LGI2: variants seen among roughly 807,000 people sequenced by gnomAD.
LGI2 encodes the protein leucine rich repeat LGI family member 2, also known as leucine-rich repeat LGI family member 2.
LGI2 carries 30 observed loss-of-function variants against 52.0 expected under a neutral mutation model. The observed-to-expected ratio is 0.58, with a 90% CI of 0.43 to 0.78. LGI2 has a LOEUF of 0.78. Ranked by LOEUF, LGI2 falls within the 30% of genes least tolerant of loss-of-function variation. LGI2 has a pLI of 0.00. For missense variants in LGI2, 573 were observed against 692.5 expected (o/e 0.83, Z 1.94); for synonymous variants, 270 against 271.8 (o/e 0.99, Z 0.06).
At chr4:25,010,025 T>G (rs188977811) in intron 7 of LGI2, among the ~76,000 whole-genome samples, 107 of 152,194 alleles carry the variant, frequency 7.0e-4, no homozygotes, top group African/African-American at 2.5e-3. Context: ...TGAGAATGAA[T>G]GAATAAATTT....
chr4:25,028,975 G>C (rs1348235375), intron 1 of LGI2, among the ~76,000 whole-genome samples: 1 of 152,182 alleles, frequency 6.6e-6, no homozygotes, highest in African/African-American at 2.4e-5. Flanking sequence ...GCTGGGGTAG[G>C]ATTAAGCATT....
rs895951935 is a variant in LGI2 at position 25,003,234 on chromosome 4, T to G, written c.*217A>C. ...TTCTCAGAAATTACAGGCTTTAAGA[T>G]TTTTTTTTAAATGGTAGAATGGGCA... On this transcript the variant is annotated 3_prime_UTR_variant, in exon 8 of 8. Transcript: ENST00000382114. 9.6e-6 allele frequency: 4 copies of G among 415,080 alleles called. No individual in the cohort carries two copies. Among genetic ancestry groups the G allele is most frequent in the Non-Finnish European group, 1.3e-5 (3 of 235,832 alleles). 25.7% of individuals were successfully genotyped at this position (415,080 alleles called of 1,614,324 possible).
At chr4:25,009,310 C>T (rs1245098294) in intron 7 of LGI2, among the ~76,000 whole-genome samples, 1 of 152,184 alleles carries the variant, frequency 6.6e-6, no homozygotes, top group African/African-American at 2.4e-5. Context: ...CCTGCCTCTA[C>T]CTTTGGACTT....
At chr4:25,021,387 T>C (rs1725953395) in intron 4 of LGI2, among the ~76,000 whole-genome samples, 2 of 152,212 alleles carry the variant, frequency 1.3e-5, no homozygotes, top group Non-Finnish European at 2.9e-5. Context: ...CTGATCTATG[T>C]CTCTTTTCCT....
chr4:24,994,143 C>A (rs891268161), downstream of LGI2, among the ~76,000 whole-genome samples: 1 of 151,876 alleles, frequency 6.6e-6, no homozygotes, highest in African/African-American at 2.4e-5. Flanking sequence ...GAGAACAGAG[C>A]TTTGCTGAAC....
At chr4:25,019,329 C>T (rs1418074609) in intron 4 of LGI2, 91 bp from the exon 5 acceptor site, 68 of 792,004 alleles carry the variant, frequency 8.6e-5, no homozygotes, top group Middle Eastern at 2.3e-4. Context: ...ACTTATAGCA[C>T]GGCTTTGGTC....
At chr4:25,008,540 T>G (rs1577548173) in intron 7 of LGI2, among the ~76,000 whole-genome samples, 2 of 112,952 alleles carry the variant, frequency 1.8e-5, no homozygotes, top group Admixed American at 1.2e-4. Flanking sequence ...GTGACAAGAG[T>G]GAGACTCTGT....
intron 7 of LGI2, among the ~76,000 whole-genome samples, chr4:25,008,853 G>A (rs1351832732): frequency 1.3e-5 from 2 of 152,174 alleles, no homozygotes; most frequent in South Asian, 4.1e-4. Flanking sequence ...CTGAGGGGCT[G>A]AGGAATCTTT....
At chr4:24,995,837 A>T (rs927942613), downstream of LGI2, among the ~76,000 whole-genome samples, 7 of 152,220 alleles carry the variant, frequency 4.6e-5, no homozygotes, top group Non-Finnish European at 8.8e-5. Flanking sequence ...AACCTATTGA[A>T]TTTACAACAG....
intron 7 of LGI2, among the ~76,000 whole-genome samples, chr4:25,005,541 T>C (rs1725369032): frequency 6.6e-6 from 1 of 151,702 alleles, no homozygotes; most frequent in Non-Finnish European, 1.5e-5. Flanking sequence ...ATAGATACAA[T>C]TTTAATTTGT....
At chr4:25,025,137 T>C (rs144559280) in intron 3 of LGI2, among the ~76,000 whole-genome samples, 1 of 139,578 alleles carries the variant, frequency 7.2e-6, no homozygotes, top group African/African-American at 2.5e-5. Context: ...AATTCTGAGC[T>C]GGCAACATGG....
At chr4:24,998,347 A>T (rs181411057), downstream of LGI2, among the ~76,000 whole-genome samples, 272 of 152,342 alleles carry the variant, frequency 1.8e-3, no homozygotes, top group Non-Finnish European at 3.3e-3. Flanking sequence ...GTACACAGTC[A>T]TATGTGATTT....
chr4:25,005,344 C>T (rs989095580), intron 7 of LGI2, among the ~76,000 whole-genome samples: 9 of 152,158 alleles, frequency 5.9e-5, no homozygotes, highest in South Asian at 2.1e-4. Flanking sequence ...AATGTGCTTC[C>T]GTAGAAATGG....
chr4:25,007,494 G>A (rs1861091), intron 7 of LGI2, among the ~76,000 whole-genome samples: 14,090 of 151,930 alleles, frequency 0.093, 1,045 homozygotes, highest in African/African-American at 0.21. Flanking sequence ...CCAAAGGACC[G>A]CGTGAAACAG....
At chr4:24,992,900 T>TA in the LGI2 span, among the ~76,000 whole-genome samples, 1 of 152,216 alleles carries the variant, frequency 6.6e-6, no homozygotes, top group East Asian at 1.9e-4. Context: ...ACTTGGCACT[T>TA]ACAATGCTGA....
At chr4:25,014,686 C>G (rs1451700992) in intron 6 of LGI2, among the ~76,000 whole-genome samples, 1 of 151,900 alleles carries the variant, frequency 6.6e-6, no homozygotes, top group Non-Finnish European at 1.5e-5. Flanking sequence ...GAAAAATTAG[C>G]TGGGCATGAT....
rs772936340 is a variant in LGI2, at chr4:25,030,469, G to A, written c.197+28C>T. On this transcript the variant is annotated intron_variant, in intron 1 of 7. Coordinates refer to ENST00000382114, the MANE Select transcript of LGI2 (RefSeq NM_018176.4). ...GGCGGACGCAGGGTGGGGCGGGACGGGATGGGGGCTGGAGGGGTCCCACTC... is the reference window on the plus strand; with the variant it reads ...GGCGGACGCAGGGTGGGGCGGGACGAGATGGGGGCTGGAGGGGTCCCACTC... 41 of 1,562,982 alleles carry A rather than the reference G, an allele frequency of 2.6e-5. 1 individual carries two copies. The South Asian group carries it at 4.6e-4, about 17-fold the overall frequency.
At position 25,003,589 on chromosome 4, in the gene LGI2, T is replaced by C. The variant is rs748270532; in HGVS notation, c.1500A>G (p.Lys500=). The C allele has an allele frequency of 1.2e-6, 2 of 1,614,154 alleles. No homozygotes were observed. The highest frequency in any genetic ancestry group is 2.2e-5 in the South Asian group (2 of 91,082). ...YQWDKEKQLF[K]KFKEIYVQAP... ...CCTGCACGTAAATCTCCTTAAACTTTTTGAATAGCTGCTTCTCTTTATCCC... is the reference window on the plus strand; with the variant it reads ...CCTGCACGTAAATCTCCTTAAACTTCTTGAATAGCTGCTTCTCTTTATCCC... Residue 500 remains lysine (K), a synonymous_variant, in exon 8 of 8, where the codon AAA becomes AAG. Coordinates refer to ENST00000382114, the MANE Select transcript of LGI2 (RefSeq NM_018176.4).
chr4:25,029,219 T>C (rs990806131), intron 1 of LGI2, among the ~76,000 whole-genome samples: 1 of 152,232 alleles, frequency 6.6e-6, no homozygotes, highest in South Asian at 2.1e-4. Flanking sequence ...TTCCTTTCAG[T>C]TGGCATGCAG....
Sources: allele counts gnomAD v4.1 joint callset (sites outside exome capture counted in the v4.1 genomes callset), GRCh38; gene constraint gnomAD v4.1.1; transcripts MANE v1.5; gene names NCBI Gene and HGNC (gene_info 2026-07-23, HGNC 2026-07-21).